Variants in CA10 observed in about 807,000 individuals in gnomAD.
CA10 encodes carbonic anhydrase 10 (inactive).
CA10 carries 14 observed loss-of-function variants against 44.2 expected under a neutral mutation model. The ratio of observed to expected loss-of-function variants is 0.32; its 90% confidence interval spans 0.21 to 0.50. The LOEUF (loss-of-function observed/expected upper bound fraction) is 0.50. Ranked by LOEUF, CA10 falls within the 20% of genes least tolerant of loss-of-function variation. CA10 has a pLI of 0.99. For synonymous variants in CA10, 159 were observed against 141.6 expected, an observed-to-expected ratio of 1.12 and a Z score of -0.87; for missense variants, 350 against 409.7, an observed-to-expected ratio of 0.85 and a Z score of 1.26.
chr17:51,911,592 C>T lies in CA10; in HGVS notation c.279+19398G>A, dbSNP rs147413318. ...GTTGGAATGATACAAAAAGGACAAT[C>T]GAGAAGTGCAAAAGAATGAGACAGA... On this transcript the variant is annotated intron_variant, in intron 3 of 8. Transcript: ENST00000451037. Among the ~76,000 whole-genome samples the T allele has an allele frequency of 1.3e-3, 193 of 152,160 alleles. 5 individuals are homozygous for T. In the South Asian group the frequency reaches 0.022, roughly 18 times the overall value.
intron 2 of CA10, among the ~76,000 whole-genome samples, chr17:52,068,598 C>G (rs1987597493): frequency 6.6e-6 from 1 of 152,224 alleles, no homozygotes; most frequent in South Asian, 2.1e-4. Flanking sequence ...CCCTGGAAGA[C>G]TGCTTTAGGC....
At chr17:52,022,149 T>C (rs1598171037) in intron 2 of CA10, among the ~76,000 whole-genome samples, 1 of 151,774 alleles carries the variant, frequency 6.6e-6, no homozygotes, top group African/African-American at 2.4e-5. Context: ...AAAGACATGA[T>C]AAAAAAAGAA....
chr17:51,694,996 T>G (rs1915351834), intron 4 of CA10, among the ~76,000 whole-genome samples: 2 of 152,224 alleles, frequency 1.3e-5, no homozygotes, highest in Admixed American at 6.5e-5. Flanking sequence ...AAGTTCTCTA[T>G]TCTGTCCCAT....
chr17:51,981,094 C>A (rs956474017), intron 2 of CA10, among the ~76,000 whole-genome samples: 2 of 152,094 alleles, frequency 1.3e-5, no homozygotes, highest in South Asian at 2.1e-4. Context: ...AATGGTACTG[C>A]CATTTTGGAA....
intron 3 of CA10, among the ~76,000 whole-genome samples, chr17:51,794,454 A>T (rs1393891986): frequency 6.6e-6 from 1 of 152,192 alleles, no homozygotes; most frequent in Admixed American, 6.5e-5. Flanking sequence ...GTGTCACCCC[A>T]CTATATTGTA....
intron 2 of CA10, among the ~76,000 whole-genome samples, chr17:52,002,758 C>T (rs889012218): frequency 1.3e-5 from 2 of 151,872 alleles, no homozygotes; most frequent in East Asian, 2.0e-4. Flanking sequence ...TCAGGGACTC[C>T]GTAGACATTT....
chr17:51,700,004 G>A (rs1295438706), intron 4 of CA10, among the ~76,000 whole-genome samples: 1 of 151,850 alleles, frequency 6.6e-6, no homozygotes, highest in African/African-American at 2.4e-5. Flanking sequence ...AGAGATGAAG[G>A]GAGAAGGCAT....
At chr17:51,993,043 A>C (rs1300920770) in intron 2 of CA10, among the ~76,000 whole-genome samples, 1 of 152,180 alleles carries the variant, frequency 6.6e-6, no homozygotes, top group Non-Finnish European at 1.5e-5. Context: ...TTTTATGCAG[A>C]TATCAGCATA....
intron 1 of CA10, among the ~76,000 whole-genome samples, chr17:52,143,539 T>C (rs1989524273): frequency 1.3e-5 from 2 of 152,152 alleles, no homozygotes; most frequent in African/African-American, 4.8e-5. Context: ...TATAAAATAA[T>C]CCAGTGGGAA....
intron 3 of CA10, among the ~76,000 whole-genome samples, chr17:51,764,314 C>A (rs779255099): frequency 6.6e-6 from 1 of 152,140 alleles, no homozygotes; most frequent in Non-Finnish European, 1.5e-5. Context: ...CCTTTGAAAC[C>A]CCACAGGCTT....
chr17:52,087,601 T>C (rs901824204), intron 1 of CA10, among the ~76,000 whole-genome samples: 4 of 152,214 alleles, frequency 2.6e-5, no homozygotes, highest in Non-Finnish European at 4.4e-5. Flanking sequence ...CCCTATGCTG[T>C]CTTCAATTCT....
chr17:51,634,050 C>A (rs1441535614), intron 7 of CA10, among the ~76,000 whole-genome samples: 2 of 152,344 alleles, frequency 1.3e-5, no homozygotes, highest in East Asian at 1.9e-4. Flanking sequence ...TGGGTCAGAG[C>A]TAAACTAAGC....
intron 2 of CA10, among the ~76,000 whole-genome samples, chr17:51,956,614 A>G (rs1983674397): frequency 6.6e-6 from 1 of 152,186 alleles, no homozygotes; most frequent in Admixed American, 6.5e-5. Flanking sequence ...GTATTAGCAA[A>G]AACAGGAAGT....
At chr17:52,153,637 G>A (rs1016177728) in intron 1 of CA10, among the ~76,000 whole-genome samples, 1 of 152,102 alleles carries the variant, frequency 6.6e-6, no homozygotes, top group Admixed American at 6.6e-5. Flanking sequence ...ATTTAGCCAA[G>A]GCTTCCTGGA....
At chr17:51,875,703 G>T (rs957562355) in intron 3 of CA10, among the ~76,000 whole-genome samples, 1 of 151,986 alleles carries the variant, frequency 6.6e-6, no homozygotes, top group Non-Finnish European at 1.5e-5. Flanking sequence ...GGGGTATATA[G>T]TTAAATGAGT....
chr17:52,002,826 G>T (rs1985472140), intron 2 of CA10, among the ~76,000 whole-genome samples: 1 of 151,872 alleles, frequency 6.6e-6, no homozygotes, highest in Non-Finnish European at 1.5e-5. Flanking sequence ...CATGTATTTA[G>T]GTGTTATTGT....
At chr17:51,970,230 T>G (rs1360698657) in intron 2 of CA10, among the ~76,000 whole-genome samples, 1 of 152,070 alleles carries the variant, frequency 6.6e-6, no homozygotes, top group Non-Finnish European at 1.5e-5. Context: ...AAATATCCTT[T>G]TATGACATCT....
chr17:51,947,819 G>C (rs1429283655), intron 2 of CA10, among the ~76,000 whole-genome samples: 6 of 151,968 alleles, frequency 3.9e-5, no homozygotes, highest in African/African-American at 9.7e-5. Flanking sequence ...AAACACTTCT[G>C]CTTGCAAAGC....
intron 2 of CA10, among the ~76,000 whole-genome samples, chr17:51,979,017 TC>T (rs1216632441): frequency 7.9e-5 from 12 of 152,162 alleles, no homozygotes; most frequent in Non-Finnish European, 1.3e-4. Context: ...TTCTGTTTCC[TC>T]CCTGCCTGCC....
Sources: allele counts gnomAD v4.1 joint callset (sites outside exome capture counted in the v4.1 genomes callset), GRCh38; gene constraint gnomAD v4.1.1; transcripts MANE v1.5; gene names NCBI Gene and HGNC (gene_info 2026-07-23, HGNC 2026-07-21).